The following TRPM3 variants were observed in gnomAD, a reference collection of about 807,000 sequenced individuals.
The protein encoded by TRPM3 is transient receptor potential cation channel subfamily M member 3.
In TRPM3, 77 loss-of-function variants were observed where a neutral mutation model predicts 181.2. The ratio of observed to expected loss-of-function variants is 0.42; its 90% CI spans 0.35 to 0.51. The LOEUF (loss-of-function observed/expected upper bound fraction) is 0.51, where lower values mean the gene tolerates loss of function less well. Ranked by LOEUF, TRPM3 falls within the 20% of genes least tolerant of loss-of-function variation. TRPM3 has a pLI of 0.01. For synonymous variants in TRPM3, 745 were observed against 796.4 expected, an observed-to-expected ratio of 0.94 and a Z score of 1.09; for missense variants, 1,759 against 2,196.7, an observed-to-expected ratio of 0.80 and a Z score of 3.98.
Position 70,535,926 on chromosome 9 carries a change from G to A in TRPM3, c.*27C>T, listed in dbSNP as rs754339615. ...GAGAATTTTAGGGCTGGATTCTTGA[G>A]CCTTCTGTGGCGGATATTAAGAAGG... On this transcript the variant is annotated 3_prime_UTR_variant, in exon 26 of 26. Transcript: ENST00000677713. 2 of 1,543,088 alleles carry A rather than the reference G, an allele frequency of 1.3e-6. No individual in the cohort carries two copies. Among genetic ancestry groups the A allele is most frequent in the East Asian group, 4.5e-5 (2 of 44,380 alleles).
chr9:70,891,105 G>A (rs1193190065), intron 1 of TRPM3, among the ~76,000 whole-genome samples: 1 of 152,098 alleles, frequency 6.6e-6, no homozygotes, highest in East Asian at 1.9e-4. Flanking sequence ...CACCAACATG[G>A]TACATGTATA....
chr9:70,876,492 A>C (rs2095871882), intron 1 of TRPM3, among the ~76,000 whole-genome samples: 1 of 151,630 alleles, frequency 6.6e-6, no homozygotes, highest in Non-Finnish European at 1.5e-5. Flanking sequence ...ATAAAAATTA[A>C]ATAATTAAAA....
intron 6 of TRPM3, among the ~76,000 whole-genome samples, chr9:70,795,380 A>G (rs2086755211): frequency 6.6e-6 from 1 of 152,238 alleles, no homozygotes; most frequent in African/African-American, 2.4e-5. Context: ...TTAAGCTTAT[A>G]CAAAGTTTCT....
intron 18 of TRPM3, among the ~76,000 whole-genome samples, chr9:70,615,181 G>A (rs548833483): frequency 3.9e-4 from 59 of 152,356 alleles, no homozygotes; most frequent in Middle Eastern, 6.8e-3. Context: ...GGTCATTGGT[G>A]GGGGTGGTGA....
chr9:70,943,686 T>TTA (rs1444692262), intron 1 of TRPM3, among the ~76,000 whole-genome samples: 1 of 152,240 alleles, frequency 6.6e-6, no homozygotes, highest in Non-Finnish European at 1.5e-5. Context: ...TTAAAAGATT[T>TTA]TATACAGACC....
intron 3 of TRPM3, among the ~76,000 whole-genome samples, chr9:70,852,096 C>T (rs996278654): frequency 7.4e-6 from 1 of 135,280 alleles, no homozygotes; most frequent in African/African-American, 2.8e-5. Context: ...CACTGCACTC[C>T]AGCCCGGGCG....
At chr9:71,440,780 T>G (rs1327521305) in intron 1 of TRPM3, among the ~76,000 whole-genome samples, 1 of 152,224 alleles carries the variant, frequency 6.6e-6, no homozygotes, top group Non-Finnish European at 1.5e-5. Flanking sequence ...TTCTCTATAA[T>G]CCTTTCATTT....
At chr9:71,331,709 A>AAAAAGGAGGAGG (rs1264523630) in intron 1 of TRPM3, among the ~76,000 whole-genome samples, 8 of 109,822 alleles carry the variant, frequency 7.3e-5, no homozygotes, top group East Asian at 2.9e-4. Context: ...AAAGGAGGAG[A>AAAAAGGAGGAGG]AAAAGGAGGA....
At chr9:71,162,626 G>T (rs1392752733) in intron 1 of TRPM3, among the ~76,000 whole-genome samples, 1 of 151,948 alleles carries the variant, frequency 6.6e-6, no homozygotes, top group African/African-American at 2.4e-5. Flanking sequence ...GAACTTATTT[G>T]AATTTTTTTA....
chr9:70,634,318 C>T (rs1271948681), intron 12 of TRPM3, among the ~76,000 whole-genome samples: 10 of 152,108 alleles, frequency 6.6e-5, no homozygotes, highest in Admixed American at 5.9e-4. Context: ...CCATGTTAAC[C>T]AGACCAGGCT....
chr9:71,320,166 G>A (rs2089066780), intron 1 of TRPM3, among the ~76,000 whole-genome samples: 1 of 151,776 alleles, frequency 6.6e-6, no homozygotes, highest in Non-Finnish European at 1.5e-5. Flanking sequence ...AACAGCAATA[G>A]GGAGTTTCTT....
chr9:70,852,916 G>A (rs552074468), intron 3 of TRPM3, among the ~76,000 whole-genome samples: 14 of 152,242 alleles, frequency 9.2e-5, no homozygotes, highest in African/African-American at 3.4e-4. Flanking sequence ...GCAAGTTCAG[G>A]TTGATGCAAT....
intron 1 of TRPM3, among the ~76,000 whole-genome samples, chr9:71,086,738 T>C (rs640721): frequency 0.23 from 34,928 of 151,920 alleles, 4,733 homozygotes; most frequent in East Asian, 0.32. Flanking sequence ...AAGAATCTAA[T>C]CTGCCACTTC....
chr9:70,934,872 C>T (rs953206412), intron 1 of TRPM3, among the ~76,000 whole-genome samples: 2 of 151,294 alleles, frequency 1.3e-5, no homozygotes, highest in African/African-American at 4.9e-5. Flanking sequence ...CTCCTCCCCC[C>T]AAAAAAAATA....
At chr9:71,102,023 AGCAT>A (rs1199716258) in intron 1 of TRPM3, among the ~76,000 whole-genome samples, 1 of 152,192 alleles carries the variant, frequency 6.6e-6, no homozygotes, top group Non-Finnish European at 1.5e-5. Flanking sequence ...GTGGAGTTCC[AGCAT>A]GCTTTTTTCT....
chr9:70,598,756 A>G, intron 20 of TRPM3, 86 bp from the exon 21 acceptor site: 1 of 1,498,246 alleles, frequency 6.7e-7, no homozygotes, highest in African/African-American at 1.4e-5. Context: ...CTGTTGGCTG[A>G]TGTTAGTAGC....
At chr9:71,276,293 AT>A (rs111665232) in intron 1 of TRPM3, among the ~76,000 whole-genome samples, 4,493 of 118,574 alleles carry the variant, frequency 0.038, 127 homozygotes, top group African/African-American at 0.093. Flanking sequence ...TTAGGGAAAT[AT>A]TTTTTTATGT....
intron 6 of TRPM3, among the ~76,000 whole-genome samples, chr9:70,814,372 C>G (rs2092469414): frequency 6.6e-6 from 1 of 152,150 alleles, no homozygotes; most frequent in Non-Finnish European, 1.5e-5. Context: ...ACAATTTTAG[C>G]TCCACTAGAT....
intron 1 of TRPM3, among the ~76,000 whole-genome samples, chr9:71,137,352 A>G (rs1025512937): frequency 1.3e-5 from 2 of 152,250 alleles, no homozygotes; most frequent in Non-Finnish European, 2.9e-5. Context: ...AACATCAAAT[A>G]CAAATCTAAT....
Sources: gnomAD v4.1 joint callset for allele counts (sites outside exome capture counted in the v4.1 genomes callset) on GRCh38, gnomAD v4.1.1 for gene constraint, MANE v1.5 for transcripts, NCBI Gene and HGNC (gene_info 2026-07-23, HGNC 2026-07-21) for gene names.